Variants in RHOBTB1 observed in about 807,000 individuals in gnomAD.
RHOBTB1 encodes Rho related BTB domain containing 1, also known as rho-related BTB domain-containing protein 1.
In RHOBTB1, 40 loss-of-function variants were observed where a neutral mutation model predicts 71.6. That is an observed-to-expected ratio of 0.56 (90% CI 0.43 to 0.73). RHOBTB1 has a LOEUF of 0.73. Ranked by LOEUF, RHOBTB1 falls within the 30% of genes least tolerant of loss-of-function variation. The pLI is 0.00. For synonymous variants in RHOBTB1, 319 were observed against 334.9 expected (o/e 0.95, Z 0.52); for missense variants, 797 against 894.0 (o/e 0.89, Z 1.38).
upstream of RHOBTB1, among the ~76,000 whole-genome samples, chr10:60,945,800 C>T (rs187609625): frequency 3.9e-4 from 59 of 152,286 alleles, no homozygotes; most frequent in African/African-American, 1.4e-3. Context: ...TCTTTGATAT[C>T]AGAAAGAGAG....
chr10:60,898,385 C>G (rs1269032787), intron 4 of RHOBTB1, among the ~76,000 whole-genome samples: 1 of 152,166 alleles, frequency 6.6e-6, no homozygotes, highest in Non-Finnish European at 1.5e-5. Context: ...GCTATGCAAA[C>G]AGACAGATCA....
At chr10:60,897,257 C>G (rs899431477) in intron 4 of RHOBTB1, among the ~76,000 whole-genome samples, 1 of 152,136 alleles carries the variant, frequency 6.6e-6, no homozygotes. Flanking sequence ...AGAGAAGCAA[C>G]CAGAAGCTCA....
intron 4 of RHOBTB1, among the ~76,000 whole-genome samples, chr10:60,898,616 C>T (rs1393175834): frequency 6.6e-6 from 1 of 152,136 alleles, no homozygotes; most frequent in Admixed American, 6.5e-5. Context: ...CTGGGGATAG[C>T]AGGGCAGAAC....
intron 4 of RHOBTB1, among the ~76,000 whole-genome samples, chr10:60,893,226 C>T (rs1046398977): frequency 1.3e-5 from 2 of 152,104 alleles, no homozygotes; most frequent in South Asian, 4.1e-4. Context: ...CTGCAGAATG[C>T]TGATGCATTG....
At chr10:60,900,339 T>G (rs909181198) in intron 4 of RHOBTB1, among the ~76,000 whole-genome samples, 1 of 152,088 alleles carries the variant, frequency 6.6e-6, no homozygotes, top group Non-Finnish European at 1.5e-5. Flanking sequence ...CAGGTGGAAG[T>G]GGCTGCATTC....
intron 2 of RHOBTB1, among the ~76,000 whole-genome samples, chr10:60,954,902 C>T (rs975105591): frequency 6.6e-6 from 1 of 152,070 alleles, no homozygotes; most frequent in South Asian, 2.1e-4. Context: ...TTATCCTCCT[C>T]TTAAAGAAAA....
intron 2 of RHOBTB1, among the ~76,000 whole-genome samples, chr10:60,968,488 G>A (rs949963782): frequency 1.3e-5 from 2 of 152,122 alleles, no homozygotes; most frequent in Admixed American, 6.6e-5. Flanking sequence ...AGAGCTGGGT[G>A]CTAGGGACAA....
chr10:60,881,402 C>T (rs763939374), intron 7 of RHOBTB1, among the ~76,000 whole-genome samples: 4 of 152,132 alleles, frequency 2.6e-5, no homozygotes, highest in African/African-American at 4.8e-5. Context: ...TTTTACAAAG[C>T]GCTAAGTGCT....
At chr10:60,933,796 C>T (rs989403704) in intron 2 of RHOBTB1, among the ~76,000 whole-genome samples, 1 of 151,570 alleles carries the variant, frequency 6.6e-6, no homozygotes. Flanking sequence ...TAAAAAAAAA[C>T]TAATATATGT....
intron 7 of RHOBTB1, among the ~76,000 whole-genome samples, chr10:60,879,144 G>A (rs2081187051): frequency 6.6e-6 from 1 of 152,150 alleles, no homozygotes. Flanking sequence ...AGGTCACAGA[G>A]CTAGGAAGTA....
At chr10:60,881,547 G>A (rs888049579) in intron 7 of RHOBTB1, among the ~76,000 whole-genome samples, 4 of 152,134 alleles carry the variant, frequency 2.6e-5, no homozygotes, top group African/African-American at 7.2e-5. Context: ...GGCAGGCCCA[G>A]GGATATATCA....
intron 2 of RHOBTB1, among the ~76,000 whole-genome samples, chr10:60,930,881 C>T (rs760344352): frequency 6.6e-6 from 1 of 151,986 alleles, no homozygotes; most frequent in Non-Finnish European, 1.5e-5. Context: ...TTATTCCCTC[C>T]GACAAATAAA....
In RHOBTB1 at chr10:60,872,352, T is replaced by G. The variant is rs1458596799; in HGVS notation, c.1816-62A>C. The G allele has an allele frequency of 2.5e-5, 30 of 1,185,382 alleles. 1 individual carries two copies. The highest frequency in any genetic ancestry group is 3.8e-4 in the Middle Eastern group (2 of 5,204). 73.4% of individuals were successfully genotyped at this position (1,185,382 alleles called of 1,614,324 possible). ...TTCTAAAGAGGGGCTACAAAGAAAT[T>G]GGGGAAGCCATTTTAAGGGTGAAAA... On this transcript the variant is annotated intron_variant, in intron 9 of 10. Transcript: ENST00000337910.
At chr10:60,923,515 T>A (rs2133794011) in intron 2 of RHOBTB1, among the ~76,000 whole-genome samples, 1 of 152,342 alleles carries the variant, frequency 6.6e-6, no homozygotes, top group Non-Finnish European at 1.5e-5. Context: ...AGAAGTTCTC[T>A]CTAAATACAG....
At chr10:60,882,487 C>A (rs1385113527) in intron 7 of RHOBTB1, among the ~76,000 whole-genome samples, 5 of 152,016 alleles carry the variant, frequency 3.3e-5, no homozygotes, top group Admixed American at 1.3e-4. Flanking sequence ...AAGTAAGATA[C>A]AATGTTTTCC....
chr10:60,905,985 C>T (rs1363454635), intron 4 of RHOBTB1, among the ~76,000 whole-genome samples: 2 of 152,166 alleles, frequency 1.3e-5, no homozygotes, highest in Non-Finnish European at 2.9e-5. Context: ...TTACAGGTAA[C>T]TTCAACATGA....
chr10:60,868,447 CTT>C (rs2132117368), downstream of RHOBTB1, among the ~76,000 whole-genome samples: 1 of 152,320 alleles, frequency 6.6e-6, no homozygotes, highest in South Asian at 2.1e-4. Context: ...TCAAGATTCA[CTT>C]TGTTTTTTCC....
At chr10:60,980,352 G>A (rs1042301777) in intron 2 of RHOBTB1, among the ~76,000 whole-genome samples, 13 of 152,102 alleles carry the variant, frequency 8.5e-5, no homozygotes, top group African/African-American at 2.4e-4. Context: ...ACACATTTTT[G>A]ACTAAGGTTA....
intron 2 of RHOBTB1, among the ~76,000 whole-genome samples, chr10:60,935,002 G>A (rs923344426): frequency 2.6e-5 from 4 of 152,160 alleles, no homozygotes; most frequent in African/African-American, 9.7e-5. Context: ...GACTCACTGG[G>A]GGATTTGTTT....
Sources: gnomAD v4.1 joint callset for allele counts (sites outside exome capture counted in the v4.1 genomes callset) on GRCh38, gnomAD v4.1.1 for gene constraint, MANE v1.5 for transcripts, NCBI Gene and HGNC (gene_info 2026-07-23, HGNC 2026-07-21) for gene names.